The following SH3PXD2A variants were observed in gnomAD, a reference collection of about 807,000 sequenced individuals.
SH3PXD2A encodes the protein SH3 and PX domain-containing protein 2A.
Under a neutral mutation model 115.2 loss-of-function variants are expected in SH3PXD2A, and 32 were observed. The observed-to-expected ratio is 0.28, with a 90% CI of 0.21 to 0.37. The LOEUF is 0.37. Ranked by LOEUF, SH3PXD2A falls within the 10% of genes least tolerant of loss-of-function variation. The probability of loss-of-function intolerance (pLI) is 1.00; values close to 1 mark genes in which losing one functional copy is unlikely to be tolerated. For synonymous variants in SH3PXD2A, 610 were observed against 629.1 expected, an observed-to-expected ratio of 0.97 and a Z score of 0.45; for missense variants, 1,328 against 1,498.7, an observed-to-expected ratio of 0.89 and a Z score of 1.88.
intron 1 of SH3PXD2A, 47 bp downstream of exon 1, chr10:103,855,148 C>T (rs1842929092): frequency 2.1e-6 from 3 of 1,426,106 alleles, no homozygotes; most frequent in East Asian, 2.7e-5. Flanking sequence ...GGGGCCCTCC[C>T]GGGACCTCGG....
In SH3PXD2A at chr10:103,603,323, G is replaced by T; in HGVS notation, c.1895C>A (p.Thr632Asn). The change falls in exon 15 of 15, where the codon ACC becomes AAC. Residue 632 changes from threonine to asparagine, a missense_variant. Transcript: ENST00000369774. ...CCCGGAGGAGCCTCTGGCTGACAGG[G>T]TGTCCTCTGCATATGGCCGGAAGCC... ...NEGFRPYAED[T>N]LSARGSSGDS... 3.1e-6 allele frequency: 5 copies of T among 1,614,176 alleles called. No homozygotes were observed. Among genetic ancestry groups the T allele is most frequent in the Non-Finnish European group, 4.2e-6 (5 of 1,180,040 alleles).
intron 3 of SH3PXD2A, among the ~76,000 whole-genome samples, chr10:103,758,786 G>A (rs7906955): frequency 0.1 from 15,213 of 152,218 alleles, 891 homozygotes; most frequent in Non-Finnish European, 0.12. Context: ...GATGGCACAC[G>A]GTGCCTCTCA....
At chr10:103,711,028 C>G (rs149071878) in intron 5 of SH3PXD2A, among the ~76,000 whole-genome samples, 5 of 151,986 alleles carry the variant, frequency 3.3e-5, no homozygotes, top group African/African-American at 1.2e-4. Flanking sequence ...GAGACAGAGA[C>G]CTTGTCTCTA....
chr10:103,737,065 G>T (rs933310874), intron 3 of SH3PXD2A, among the ~76,000 whole-genome samples: 2 of 152,180 alleles, frequency 1.3e-5, no homozygotes, highest in African/African-American at 4.8e-5. Context: ...GGAAGCAAAC[G>T]GAATGAGAGA....
chr10:103,609,544 C>T (rs1371731252), intron 13 of SH3PXD2A: 1 of 152,168 alleles, frequency 6.6e-6, no homozygotes, highest in Non-Finnish European at 1.5e-5. Flanking sequence ...TGGCTTTGGC[C>T]CATGGTTTGT....
At chr10:103,671,613 G>T (rs1383374985) in intron 6 of SH3PXD2A, among the ~76,000 whole-genome samples, 1 of 152,192 alleles carries the variant, frequency 6.6e-6, no homozygotes, top group Admixed American at 6.5e-5. Flanking sequence ...CTCTCGAGGG[G>T]TGGGAAGGAC....
intron 4 of SH3PXD2A, among the ~76,000 whole-genome samples, chr10:103,730,942 A>G (rs1188712074): frequency 1.3e-5 from 2 of 152,118 alleles, no homozygotes; most frequent in Admixed American, 1.3e-4. Flanking sequence ...CACTGCGGAG[A>G]CTGAATGTGC....
intron 13 of SH3PXD2A, among the ~76,000 whole-genome samples, chr10:103,607,801 G>C (rs1277437503): frequency 1.3e-5 from 2 of 152,308 alleles, no homozygotes; most frequent in Middle Eastern, 3.4e-3. Flanking sequence ...ATTTTGTTCT[G>C]TACTAAGAAA....
intron 13 of SH3PXD2A, among the ~76,000 whole-genome samples, chr10:103,608,153 A>AAAAAAAAAAAAAAAAGTTTAC (rs1564842927): frequency 7.2e-4 from 102 of 141,540 alleles, no homozygotes; most frequent in Non-Finnish European, 1.1e-3. Flanking sequence ...ATCAATTTAA[A>AAAAAAAAAAAAAAAAGTTTAC]AAAAAAAAAA....
intron 5 of SH3PXD2A, among the ~76,000 whole-genome samples, chr10:103,712,936 G>C (rs2134158837): frequency 6.6e-6 from 1 of 152,340 alleles, no homozygotes; most frequent in East Asian, 1.9e-4. Flanking sequence ...AAGTCAACCA[G>C]TCTCAGCCTA....
chr10:103,604,850 G>A (rs563752174), intron 14 of SH3PXD2A, among the ~76,000 whole-genome samples: 3 of 152,320 alleles, frequency 2.0e-5, no homozygotes, highest in Admixed American at 6.5e-5. Context: ...GGAAACCTCA[G>A]TACAGAGAGA....
At chr10:103,661,241 C>T in intron 7 of SH3PXD2A, 127 bp from the exon 8 acceptor site, 1 of 1,148,316 alleles carries the variant, frequency 8.7e-7, no homozygotes, top group Non-Finnish European at 1.2e-6. Context: ...AGGGGCAGCC[C>T]GCAGCCGGGG....
chr10:103,726,817 A>G (rs1046037577), intron 4 of SH3PXD2A, among the ~76,000 whole-genome samples: 1 of 152,164 alleles, frequency 6.6e-6, no homozygotes, highest in African/African-American at 2.4e-5. Flanking sequence ...GCCCTTCTCG[A>G]TGCCAAACCC....
rs950863496 is a variant in SH3PXD2A at position 103,756,943 on chromosome 10, C to G, written c.229+10151G>C. ...CAGACTCCACACAGGCCTTTGAGGCCTAGCACCTTCTTCTGTCTCTAGCCT... is the reference window on the plus strand; with the variant it reads ...CAGACTCCACACAGGCCTTTGAGGCGTAGCACCTTCTTCTGTCTCTAGCCT... On this transcript the variant is annotated intron_variant, in intron 3 of 14. Coordinates refer to ENST00000369774, the MANE Select transcript of SH3PXD2A (RefSeq NM_001394015.1). This position sits in a 1 kb window ranked among gnomAD's most constrained non-coding sequence, Gnocchi z 4.4. Among the ~76,000 whole-genome samples, 1 of 152,170 alleles carries G rather than the reference C, an allele frequency of 6.6e-6. No individual in the cohort carries two copies. Among genetic ancestry groups the G allele is most frequent in the South Asian group, 2.1e-4 (1 of 4,832 alleles).
At chr10:103,703,235 G>A (rs1029722149) in intron 5 of SH3PXD2A, among the ~76,000 whole-genome samples, 21 of 152,188 alleles carry the variant, frequency 1.4e-4, no homozygotes, top group African/African-American at 2.7e-4. Context: ...CCGGGTGATC[G>A]CCTCTTACAG....
rs773259897 is a variant in SH3PXD2A at position 103,602,403 on chromosome 10, C to T, written c.2815G>A (p.Val939Ile). 1.7e-5 allele frequency: 28 copies of T among 1,613,938 alleles called. No individual in the cohort carries two copies. The highest frequency in any genetic ancestry group is 2.2e-5 in the East Asian group (1 of 44,890). ...IERRVQALNT[V>I]NQSKKATPPI... ...GGCGTGGCCTTCTTGCTCTGGTTGA[C>T]GGTGTTCAGTGCTTGGACGCGCCTC... The change falls in exon 15 of 15, where the codon GTC becomes ATC. Residue 939 changes from valine (V) to isoleucine (I), a missense_variant. By Grantham distance (29) the Val-to-Ile change is conservative. Around this residue, in one of 5 missense-constraint regions of SH3PXD2A, gnomAD observed 574 missense variants for 565.7 expected, o/e 1.01. Transcript: ENST00000369774.
intron 1 of SH3PXD2A, among the ~76,000 whole-genome samples, chr10:103,851,829 A>G (rs777368938): frequency 2.0e-5 from 3 of 152,190 alleles, no homozygotes; most frequent in African/African-American, 7.2e-5. Context: ...GAAATAAACA[A>G]TCAGGAAATA....
Position 103,679,612 on chromosome 10 carries a change from C to T in SH3PXD2A, c.428-10960G>A, listed in dbSNP as rs529229413. On this transcript the variant is annotated intron_variant, in intron 6 of 14. Coordinates refer to ENST00000369774, the MANE Select transcript of SH3PXD2A (RefSeq NM_001394015.1). ...ATGCAAATGAGCAACTCAGAGCCAGCAGGCTCCAGGACTGTGTATGGCAGG... is the reference window on the plus strand; with the variant it reads ...ATGCAAATGAGCAACTCAGAGCCAGTAGGCTCCAGGACTGTGTATGGCAGG... Among the ~76,000 whole-genome samples, 3 of 152,366 alleles carry T rather than the reference C, an allele frequency of 2.0e-5. No homozygotes were observed. The South Asian group carries it at 6.2e-4, about 32-fold the overall frequency.
chr10:103,659,717 C>T (rs545089803), intron 8 of SH3PXD2A, among the ~76,000 whole-genome samples: 1 of 152,338 alleles, frequency 6.6e-6, no homozygotes, highest in South Asian at 2.1e-4. Flanking sequence ...CAGACACAGT[C>T]TGACCTGAGA....
Sources: allele counts gnomAD v4.1 joint callset (sites outside exome capture counted in the v4.1 genomes callset), GRCh38; gene constraint gnomAD v4.1.1; regional missense constraint gnomAD v4.1.1; non-coding constraint Gnocchi (gnomAD v3.1); transcripts MANE v1.5; gene names NCBI Gene and HGNC (gene_info 2026-07-23, HGNC 2026-07-21).